The following CACHD1 variants were observed in gnomAD, a reference collection of about 807,000 sequenced individuals.
CACHD1 encodes cache domain containing 1.
In CACHD1, 71 loss-of-function variants were observed where a neutral mutation model predicts 138.7. The ratio of observed to expected loss-of-function variants is 0.51; its 90% CI spans 0.42 to 0.62. The LOEUF (loss-of-function observed/expected upper bound fraction) is 0.62, where lower values mean the gene tolerates loss of function less well. Among genes scored for constraint, CACHD1 ranks in the 20% least tolerant of loss-of-function variants. The pLI is 0.00. For synonymous variants in CACHD1, 578 were observed against 591.5 expected (o/e 0.98, Z 0.33); for missense variants, 1,389 against 1,625.3 (o/e 0.85, Z 2.50).
intron 16 of CACHD1, 78 bp from the exon 17 acceptor site, chr1:64,671,486 A>G (rs1649815455): frequency 1.3e-6 from 2 of 1,491,310 alleles, no homozygotes; most frequent in Admixed American, 1.7e-5. Flanking sequence ...ATACCAAACA[A>G]TGTCCCTGTG....
chr1:64,642,118 G>C (rs1648738733), intron 8 of CACHD1, 149 bp downstream of exon 8: 1 of 573,232 alleles, frequency 1.7e-6, no homozygotes, highest in Non-Finnish European at 2.8e-6. Flanking sequence ...CCTGATGTTG[G>C]TATTTAGGGT....
chr1:64,657,256 T>C (rs569421401), intron 12 of CACHD1, among the ~76,000 whole-genome samples: 2 of 152,264 alleles, frequency 1.3e-5, no homozygotes, highest in African/African-American at 2.4e-5. Flanking sequence ...CTTCTAGAAA[T>C]AGAGTTCCTT....
chr1:64,675,962 A>C lies in CACHD1; in HGVS notation c.2954A>C (p.Asn985Thr), dbSNP rs1198237794. ...CPLEVNECTG[N>T]LTNAENRNPS... ...CTAGAGGTCAATGAGTGCACTGGCA[A>C]CCTCACCAATGCAGAGAACCGGTAA... The change falls in exon 21 of 27, where the codon AAC becomes ACC. Residue 985 changes from asparagine to threonine, a missense_variant. By Grantham distance (65) the Asn-to-Thr change is moderately conservative. Around this residue, in one of 5 missense-constraint regions of CACHD1, gnomAD observed 250 missense variants for 292.9 expected, o/e 0.85. Coordinates refer to ENST00000651257, the MANE Select transcript of CACHD1 (RefSeq NM_020925.4). 2 of 1,429,176 alleles carry C rather than the reference A, an allele frequency of 1.4e-6. No homozygotes were observed. The highest frequency in any genetic ancestry group is 2.9e-5 in the African/African-American group (2 of 69,316). The allele number at this position is 1,429,176 out of a possible 1,614,324, so 88.5% of individuals were successfully genotyped here.
At chr1:64,645,789 A>C (rs371156533) in intron 8 of CACHD1, among the ~76,000 whole-genome samples, 32 of 152,294 alleles carry the variant, frequency 2.1e-4, no homozygotes, top group African/African-American at 7.7e-4. Flanking sequence ...AGCAGCTGGG[A>C]AAGGGAGCTG....
At chr1:64,599,877 G>A (rs923527691) in intron 3 of CACHD1, among the ~76,000 whole-genome samples, 15 of 152,084 alleles carry the variant, frequency 9.9e-5, no homozygotes, top group African/African-American at 3.4e-4. Flanking sequence ...TGCTCTCTGT[G>A]GAGACTTCAT....
chr1:64,583,953 C>G (rs1647031549), intron 3 of CACHD1, among the ~76,000 whole-genome samples: 1 of 152,168 alleles, frequency 6.6e-6, no homozygotes, highest in African/African-American at 2.4e-5. Context: ...GGTGGGGACA[C>G]AGCCAAACCA....
intron 4 of CACHD1, among the ~76,000 whole-genome samples, chr1:64,608,612 A>C (rs1007901231): frequency 2.0e-5 from 3 of 152,034 alleles, no homozygotes; most frequent in Non-Finnish European, 4.4e-5. Context: ...TCTTAAAACC[A>C]CCCCAGCCAG....
intron 3 of CACHD1, among the ~76,000 whole-genome samples, chr1:64,584,665 G>A (rs572067177): frequency 6.6e-4 from 101 of 151,948 alleles, no homozygotes; most frequent in Admixed American, 3.3e-3. Context: ...AGACCTTGTT[G>A]TGAGTTGGCC....
chr1:64,652,346 T>G (rs1484071797), intron 10 of CACHD1, 36 bp downstream of exon 10: 1 of 1,553,474 alleles, frequency 6.4e-7, no homozygotes, highest in Admixed American at 2.0e-5. Flanking sequence ...GAATACTTTT[T>G]TAGAAACCTA....
rs781248931 is a variant in CACHD1, at chr1:64,677,019, G to A, written c.3092+8G>A. 2 of 1,595,180 alleles carry A rather than the reference G, an allele frequency of 1.3e-6. No homozygotes were observed. Among genetic ancestry groups the A allele is most frequent in the Admixed American group, 3.4e-5 (2 of 59,084 alleles). ...TCAGAGGCTGGAAAGTGGGTAAGCAGAATCTAGTAAAGAATTGAGGTTTTC... is the reference window on the plus strand; with the variant it reads ...TCAGAGGCTGGAAAGTGGGTAAGCAAAATCTAGTAAAGAATTGAGGTTTTC... On this transcript the variant is annotated splice_region_variant and intron_variant, in intron 22 of 26. Coordinates refer to ENST00000651257, the MANE Select transcript of CACHD1 (RefSeq NM_020925.4).
chr1:64,536,715 T>C (rs1264892708), intron 1 of CACHD1, among the ~76,000 whole-genome samples: 1 of 152,180 alleles, frequency 6.6e-6, no homozygotes, highest in Non-Finnish European at 1.5e-5. Flanking sequence ...CATTAAACAT[T>C]TACTGAACAT....
At chr1:64,610,731 G>A (rs1303131416) in intron 4 of CACHD1, among the ~76,000 whole-genome samples, 1 of 152,206 alleles carries the variant, frequency 6.6e-6, no homozygotes, top group Admixed American at 6.5e-5. Flanking sequence ...CACAGTGCAA[G>A]CTGTCAGTGA....
intron 17 of CACHD1, 101 bp from the exon 18 acceptor site, chr1:64,673,057 G>T: frequency 1.1e-6 from 1 of 944,344 alleles, no homozygotes; most frequent in Non-Finnish European, 1.7e-6. Context: ...TGGGATAAAT[G>T]CAGTTTGTTT....
At chr1:64,574,866 C>G (rs1315644050) in intron 2 of CACHD1, among the ~76,000 whole-genome samples, 1 of 152,158 alleles carries the variant, frequency 6.6e-6, no homozygotes, top group Non-Finnish European at 1.5e-5. Context: ...TTGACTACAG[C>G]CCTCTGTGCC....
At chr1:64,652,470 G>A (rs543701568) in intron 10 of CACHD1, among the ~76,000 whole-genome samples, 160 bp downstream of exon 10, 4 of 152,056 alleles carry the variant, frequency 2.6e-5, no homozygotes, top group South Asian at 4.2e-4. Context: ...ATGGCAGAGT[G>A]GATCTCCAAA....
intron 26 of CACHD1, among the ~76,000 whole-genome samples, chr1:64,685,070 A>G (rs747066799): frequency 5.9e-5 from 9 of 152,130 alleles, no homozygotes; most frequent in Non-Finnish European, 1.0e-4. Flanking sequence ...CAGCCTCGCA[A>G]TGTGTTGAGA....
At chr1:64,616,244 A>G (rs1647703495) in intron 4 of CACHD1, among the ~76,000 whole-genome samples, 1 of 152,204 alleles carries the variant, frequency 6.6e-6, no homozygotes, top group Non-Finnish European at 1.5e-5. Flanking sequence ...CTTGAGACCC[A>G]GAATAAGTTC....
chr1:64,612,551 A>C (rs1037949412), intron 4 of CACHD1, among the ~76,000 whole-genome samples: 1 of 152,244 alleles, frequency 6.6e-6, no homozygotes, highest in Non-Finnish European at 1.5e-5. Context: ...CAATACTCAG[A>C]TGTTTTCAGG....
chr1:64,558,149 C>T (rs1008402478), intron 2 of CACHD1, among the ~76,000 whole-genome samples: 1 of 152,208 alleles, frequency 6.6e-6, no homozygotes, highest in Non-Finnish European at 1.5e-5. Context: ...CACAAATCTA[C>T]TCTCTTTAAG....
Sources: allele counts gnomAD v4.1 joint callset (sites outside exome capture counted in the v4.1 genomes callset), GRCh38; gene constraint gnomAD v4.1.1; regional missense constraint gnomAD v4.1.1; transcripts MANE v1.5; gene names NCBI Gene and HGNC (gene_info 2026-07-23, HGNC 2026-07-21).